The following PTPRT variants were observed in gnomAD, a reference collection of about 807,000 sequenced individuals.
PTPRT encodes the protein protein tyrosine phosphatase receptor type T.
PTPRT carries 56 observed loss-of-function variants against 176.8 expected under a neutral mutation model. The ratio of observed to expected loss-of-function variants is 0.32; its 90% CI spans 0.26 to 0.40. The LOEUF (loss-of-function observed/expected upper bound fraction) is 0.40. Among genes scored for constraint, PTPRT ranks in the 10% least tolerant of loss-of-function variants. The pLI is 1.00. For missense variants in PTPRT, 1,540 were observed against 1,908.2 expected, an observed-to-expected ratio of 0.81 and a Z score of 3.60; for synonymous variants, 783 against 739.0, an observed-to-expected ratio of 1.06 and a Z score of -0.96.
intron 6 of PTPRT, among the ~76,000 whole-genome samples, chr20:42,726,720 T>A (rs981235335): frequency 1.9e-4 from 29 of 152,324 alleles, no homozygotes; most frequent in Non-Finnish European, 2.9e-4. Flanking sequence ...CAGTAGGGCC[T>A]CGGGCTCTTC....
intron 7 of PTPRT, among the ~76,000 whole-genome samples, chr20:42,557,672 T>C (rs573982033): frequency 1.4e-4 from 22 of 152,172 alleles, no homozygotes; most frequent in Non-Finnish European, 2.4e-4. Flanking sequence ...GTAGCAACTT[T>C]TGCTTGTATA....
chr20:42,930,798 C>T (rs549160513), intron 1 of PTPRT, among the ~76,000 whole-genome samples: 33 of 152,204 alleles, frequency 2.2e-4, no homozygotes, highest in East Asian at 9.7e-4. Context: ...ATAATTCTTG[C>T]GACTTTCCCT....
intron 1 of PTPRT, among the ~76,000 whole-genome samples, chr20:43,139,741 C>T (rs1452147134): frequency 1.3e-5 from 2 of 152,130 alleles, no homozygotes; most frequent in Non-Finnish European, 2.9e-5. Context: ...AGGCCTAGAA[C>T]GCACATTAGA....
chr20:42,995,129 T>C (rs1984150758), intron 1 of PTPRT, among the ~76,000 whole-genome samples: 1 of 152,216 alleles, frequency 6.6e-6, no homozygotes, highest in African/African-American at 2.4e-5. Flanking sequence ...CCTTGTCGTA[T>C]TGGTTATCTA....
chr20:43,050,594 T>G (rs892537276), intron 1 of PTPRT, among the ~76,000 whole-genome samples: 2 of 152,174 alleles, frequency 1.3e-5, no homozygotes, highest in African/African-American at 2.4e-5. Context: ...CCTTTGACAC[T>G]GGGTAAACAT....
Position 42,963,166 on chromosome 20 carries a change from T to C in PTPRT, c.89-77234A>G, listed in dbSNP as rs138700203. On this transcript the variant is annotated intron_variant, in intron 1 of 30. Coordinates refer to ENST00000373187, the MANE Select transcript of PTPRT (RefSeq NM_007050.6). The stretch of plus-strand genomic sequence containing the variant: ...GTGAGCTTAGATCGCACCACTGCGC[T>C]CCAGCCTGGGTGACAGAGCAAGACT... 1.3e-3 allele frequency among the ~76,000 whole-genome samples: 196 copies of C among 151,948 alleles called. 1 individual carries two copies. Among genetic ancestry groups the C allele is most frequent in the Non-Finnish European group, 7.2e-4 (49 of 67,980 alleles).
chr20:42,253,641 G>A (rs2056586156), intron 13 of PTPRT, among the ~76,000 whole-genome samples: 1 of 152,102 alleles, frequency 6.6e-6, no homozygotes, highest in Admixed American at 6.6e-5. Context: ...ATCTAGGCAG[G>A]CACCAGATGA....
rs143564922 is a variant in PTPRT at position 42,398,202 on chromosome 20, T to C, written c.1561-45917A>G. 3.4e-3 allele frequency among the ~76,000 whole-genome samples: 514 copies of C among 152,104 alleles called. 1 individual carries two copies. The highest frequency in any genetic ancestry group is 5.4e-3 in the Non-Finnish European group (367 of 67,978). On this transcript the variant is annotated intron_variant, in intron 9 of 30. Transcript: ENST00000373187. ...AGAGGATCATTCCTTAATAAAACAA[T>C]AGATTAAAAGGAATAACCAATAGAT...
chr20:42,914,509 C>T (rs548677765), intron 1 of PTPRT, among the ~76,000 whole-genome samples: 3 of 152,232 alleles, frequency 2.0e-5, no homozygotes, highest in East Asian at 1.9e-4. Flanking sequence ...GCAATAAAAA[C>T]GAATGACCTA....
intron 7 of PTPRT, among the ~76,000 whole-genome samples, chr20:42,479,782 C>A (rs1450215859): frequency 6.6e-6 from 1 of 152,164 alleles, no homozygotes; most frequent in Non-Finnish European, 1.5e-5. Flanking sequence ...CAGGGATGTT[C>A]GACTGGTAAG....
At chr20:42,434,744 T>C (rs551548817) in intron 9 of PTPRT, among the ~76,000 whole-genome samples, 60 of 151,268 alleles carry the variant, frequency 4.0e-4, no homozygotes, top group African/African-American at 1.4e-3. Context: ...TGTGGATCAC[T>C]TGAGGTCAGG....
At chr20:42,867,630 G>T (rs1292230870) in intron 2 of PTPRT, among the ~76,000 whole-genome samples, 1 of 149,938 alleles carries the variant, frequency 6.7e-6, no homozygotes. Context: ...CTTAAACTTG[G>T]AATTCCCAGC....
At chr20:42,227,597 ATTG>A (rs1436915968) in intron 15 of PTPRT, among the ~76,000 whole-genome samples, 60 of 110,738 alleles carry the variant, frequency 5.4e-4, no homozygotes, top group African/African-American at 1.9e-3. Context: ...AAAGTCCCTC[ATTG>A]TTTTTTTTTT....
intron 9 of PTPRT, among the ~76,000 whole-genome samples, chr20:42,442,912 T>C (rs1230828160): frequency 6.6e-6 from 1 of 152,204 alleles, no homozygotes; most frequent in Non-Finnish European, 1.5e-5. Context: ...TCTGTGTTCT[T>C]GGTGAGTTGT....
rs369315599 is a variant in PTPRT at position 42,446,621 on chromosome 20, T to TGA, written c.1560+1597_1560+1598dup. 5.5e-3 allele frequency among the ~76,000 whole-genome samples: 718 copies of TGA among 130,110 alleles called. 8 individuals are homozygous for TGA. Among genetic ancestry groups the TGA allele is most frequent in the African/African-American group, 0.017 (613 of 35,400 alleles). 85.4% of individuals were successfully genotyped at this position (130,110 alleles called of 152,430 possible). The stretch of plus-strand genomic sequence containing the variant: ...GTGTGTGTGTGTGTGTGTGTGTGTG[T>TGA]GAGAGAGAGAGAGAGATTGTGGTTT... On this transcript the variant is annotated intron_variant, in intron 9 of 30. Coordinates refer to ENST00000373187, the MANE Select transcript of PTPRT (RefSeq NM_007050.6).
At chr20:42,034,453 G>A in the PTPRT span, among the ~76,000 whole-genome samples, 1 of 152,098 alleles carries the variant, frequency 6.6e-6, no homozygotes, top group Non-Finnish European at 1.5e-5. Context: ...AAGGATAAAA[G>A]TTCACAGCCC....
At chr20:42,236,510 T>C (rs950758528) in intron 14 of PTPRT, among the ~76,000 whole-genome samples, 1 of 151,924 alleles carries the variant, frequency 6.6e-6, no homozygotes, top group Non-Finnish European at 1.5e-5. Context: ...TCACATAGAG[T>C]AAGCCATGTT....
intron 16 of PTPRT, among the ~76,000 whole-genome samples, chr20:42,185,485 A>C (rs1233983339): frequency 6.6e-6 from 1 of 152,166 alleles, no homozygotes; most frequent in Non-Finnish European, 1.5e-5. Flanking sequence ...GTTTTGTAGG[A>C]ACCATAAAAA....
rs372139563 is a variant in PTPRT, at chr20:42,906,866, G to GA, written c.89-20935dup. Among the ~76,000 whole-genome samples the GA allele has an allele frequency of 1.6e-3, 232 of 146,246 alleles. 1 individual carries two copies. The highest frequency in any genetic ancestry group is 1.7e-3 in the Non-Finnish European group (115 of 66,174). On this transcript the variant is annotated intron_variant, in intron 1 of 30. Transcript: ENST00000373187. ...TCTGTTACACTCTTGTTCTAATCTG[G>GA]AAAAAAAAAAATGTGAAACCTCATC...
Sources: allele counts gnomAD v4.1 joint callset (sites outside exome capture counted in the v4.1 genomes callset), GRCh38; gene constraint gnomAD v4.1.1; transcripts MANE v1.5; gene names NCBI Gene and HGNC (gene_info 2026-07-23, HGNC 2026-07-21).